The following NUP35 variants were observed in gnomAD, a reference collection of about 807,000 sequenced individuals.
NUP35 encodes the protein nucleoporin NUP35.
Under a neutral mutation model 41.5 loss-of-function variants are expected in NUP35, and 25 were observed. That is an observed-to-expected ratio of 0.60 (90% CI 0.44 to 0.84). NUP35 has a LOEUF of 0.84. Ranked by LOEUF, NUP35 falls within the 40% of genes least tolerant of loss-of-function variation. NUP35 has a pLI of 0.00. For synonymous variants in NUP35, 149 were observed against 130.7 expected, an observed-to-expected ratio of 1.14 and a Z score of -0.96; for missense variants, 396 against 396.6, an observed-to-expected ratio of 1.00 and a Z score of 0.01.
chr2:183,135,768 G>A lies in NUP35; in HGVS notation c.397+2145G>A, dbSNP rs147084788. 8.6e-3 allele frequency among the ~76,000 whole-genome samples: 1,306 copies of A among 152,218 alleles called. 17 individuals are homozygous for A. The highest frequency in any genetic ancestry group is 0.03 in the African/African-American group (1,228 of 41,526). On this transcript the variant is annotated intron_variant, in intron 4 of 8. Transcript: ENST00000295119. ...AGTTCCAGCTACTCGGAAGGCTGAG[G>A]CAGGAGGATTGCTTGAGCCCAGGAA... is the stretch of plus-strand genomic sequence containing the variant.
chr2:183,131,910 A>T, intron 3 of NUP35, among the ~76,000 whole-genome samples: 1 of 152,182 alleles, frequency 6.6e-6, no homozygotes, highest in East Asian at 1.9e-4. Flanking sequence ...AAGGTTGATA[A>T]GTAAAGCTTA....
intron 5 of NUP35, among the ~76,000 whole-genome samples, chr2:183,155,977 T>A (rs1025318247): frequency 9.9e-5 from 15 of 152,210 alleles, no homozygotes; most frequent in Admixed American, 9.8e-4. Flanking sequence ...TTTATTTTGA[T>A]CATTTATGGG....
At chr2:183,145,827 C>T (rs1454199348) in intron 4 of NUP35, among the ~76,000 whole-genome samples, 1 of 152,080 alleles carries the variant, frequency 6.6e-6, no homozygotes. Context: ...TGTCTTGCCT[C>T]CAAATGATAT....
chr2:183,121,544 G>C (rs938786280), upstream of NUP35, among the ~76,000 whole-genome samples: 3 of 152,036 alleles, frequency 2.0e-5, no homozygotes, highest in Non-Finnish European at 4.4e-5. Context: ...AAAAAGTAAA[G>C]AAAATAGGGC....
chr2:183,154,027 G>A (rs1020935072), intron 5 of NUP35, among the ~76,000 whole-genome samples: 1 of 152,044 alleles, frequency 6.6e-6, no homozygotes, highest in Non-Finnish European at 1.5e-5. Context: ...CAAGGCTTGG[G>A]GCTTCCACTC....
In NUP35 at chr2:183,138,524, G is replaced by A. The variant is rs544403424; in HGVS notation, c.397+4901G>A. The stretch of plus-strand genomic sequence containing the variant: ...TTATTTCTGGTGCAGGAAAACATTG[G>A]TCATAAGTCAAAATAGGAAATCTGG... On this transcript the variant is annotated intron_variant, in intron 4 of 8. Transcript: ENST00000295119. Among the ~76,000 whole-genome samples the A allele has an allele frequency of 2.6e-5, 4 of 151,878 alleles. No individual in the cohort carries two copies. In the East Asian group the frequency reaches 5.8e-4, roughly 22 times the overall value.
chr2:183,133,618 G>C lies in NUP35; in HGVS notation c.392G>C (p.Gly131Ala). ...SPLVGVTSTP[G>A]TGQSMFSPAS... ...CTTGTTGGAGTTACATCTACTCCTGGAACAGGTAAGTGATTCTTTCTTTTT... is the reference window on the plus strand; with the variant it reads ...CTTGTTGGAGTTACATCTACTCCTGCAACAGGTAAGTGATTCTTTCTTTTT... Residue 131 changes from glycine (G) to alanine (A), a missense_variant, in exon 4 of 9, where the codon GGA becomes GCA. Gly to Ala is a moderately conservative substitution (Grantham distance 60). Transcript: ENST00000295119. 1.3e-6 allele frequency: 2 copies of C among 1,582,000 alleles called. No homozygotes were observed. Among genetic ancestry groups the C allele is most frequent in the Non-Finnish European group, 1.7e-6 (2 of 1,168,868 alleles).
intron 7 of NUP35, among the ~76,000 whole-genome samples, chr2:183,158,798 T>A (rs893921784): frequency 3.3e-5 from 5 of 152,176 alleles, no homozygotes; most frequent in Non-Finnish European, 5.9e-5. Context: ...TTAGTTCATA[T>A]TAACATTAAC....
chr2:183,144,901 CT>C (rs1305069911), intron 4 of NUP35, among the ~76,000 whole-genome samples: 1 of 152,148 alleles, frequency 6.6e-6, no homozygotes, highest in Non-Finnish European at 1.5e-5. Flanking sequence ...TCGTTTGAGA[CT>C]TATTTTTGAT....
intron 1 of NUP35, among the ~76,000 whole-genome samples, chr2:183,126,179 G>T (rs1324073787): frequency 6.6e-6 from 1 of 152,104 alleles, no homozygotes; most frequent in Non-Finnish European, 1.5e-5. Context: ...GGACCACAGT[G>T]TGCCGCCACT....
chr2:183,132,190 C>T (rs1559143998), intron 3 of NUP35, among the ~76,000 whole-genome samples: 1 of 151,818 alleles, frequency 6.6e-6, no homozygotes, highest in Non-Finnish European at 1.5e-5. Flanking sequence ...GCCTGGCTAA[C>T]TTTTGTATTT....
intron 7 of NUP35, among the ~76,000 whole-genome samples, chr2:183,158,951 A>G (rs1685771701): frequency 6.6e-6 from 1 of 152,150 alleles, no homozygotes; most frequent in Non-Finnish European, 1.5e-5. Context: ...ATCATTGTGA[A>G]CATTCTTTAA....
intron 3 of NUP35, among the ~76,000 whole-genome samples, chr2:183,132,309 A>G (rs990121604): frequency 6.6e-6 from 1 of 151,976 alleles, no homozygotes; most frequent in African/African-American, 2.4e-5. Context: ...GGTGTGACCC[A>G]CTGTGCTGGG....
chr2:183,158,063 A>T (rs910017566), intron 6 of NUP35, among the ~76,000 whole-genome samples: 1 of 152,166 alleles, frequency 6.6e-6, no homozygotes, highest in Non-Finnish European at 1.5e-5. Flanking sequence ...TTTGAGAAGT[A>T]TCTTACTTTC....
Position 183,159,520 on chromosome 2 carries a change from A to T in NUP35, c.771A>T (p.Leu257Phe). ...SVMESSDRCA[L>F]SSPSLAFTPP... ...TGGAAAGCAGTGACAGATGTGCTTT[A>T]TCATCTCCATCTTTAGCCTTTACAC... Residue 257 changes from leucine to phenylalanine, a missense_variant, in exon 8 of 9, where the codon TTA becomes TTT. Leu to Phe is a conservative substitution (Grantham distance 22). Coordinates refer to ENST00000295119, the MANE Select transcript of NUP35 (RefSeq NM_138285.5). The T allele has an allele frequency of 6.2e-7, 1 of 1,613,654 alleles. No homozygotes were observed. Among genetic ancestry groups the T allele is most frequent in the Non-Finnish European group, 8.5e-7 (1 of 1,179,764 alleles).
chr2:183,145,655 A>G (rs1252788907), intron 4 of NUP35, among the ~76,000 whole-genome samples: 1 of 152,236 alleles, frequency 6.6e-6, no homozygotes, highest in Non-Finnish European at 1.5e-5. Context: ...TTACATCTAT[A>G]ATGAACCTTA....
chr2:183,155,615 A>G (rs1685634089), intron 5 of NUP35, among the ~76,000 whole-genome samples: 1 of 134,566 alleles, frequency 7.4e-6, no homozygotes, highest in African/African-American at 2.8e-5. Flanking sequence ...TCTGTTATCT[A>G]GGCTGGAGTG....
At chr2:183,145,674 C>CTTAG (rs1038215429) in intron 4 of NUP35, among the ~76,000 whole-genome samples, 4 of 152,076 alleles carry the variant, frequency 2.6e-5, no homozygotes, top group African/African-American at 9.7e-5. Context: ...TAACACAAGA[C>CTTAG]TTAGGTGTTA....
At chr2:183,123,026 C>A (rs1394093278), upstream of NUP35, among the ~76,000 whole-genome samples, 2 of 152,146 alleles carry the variant, frequency 1.3e-5, no homozygotes, top group Non-Finnish European at 2.9e-5. Context: ...ATGGCAGAAG[C>A]TGAACAAAGC....
Sources: allele counts gnomAD v4.1 joint callset (sites outside exome capture counted in the v4.1 genomes callset), GRCh38; gene constraint gnomAD v4.1.1; transcripts MANE v1.5; gene names NCBI Gene and HGNC (gene_info 2026-07-23, HGNC 2026-07-21).